The following SDK1 variants were observed in gnomAD, a reference collection of about 807,000 sequenced individuals.
The protein encoded by SDK1 is protein sidekick-1.
Under a neutral mutation model 245.5 loss-of-function variants are expected in SDK1, and 157 were observed. The ratio of observed to expected loss-of-function variants is 0.64; its 90% CI spans 0.56 to 0.73. SDK1 has a LOEUF of 0.73. Among genes scored for constraint, SDK1 ranks in the 30% least tolerant of loss-of-function variants. SDK1 has a pLI of 0.00. For missense variants in SDK1, 3,583 were observed against 3,002.3 expected (o/e 1.19, Z -4.52); for synonymous variants, 1,647 against 1,278.5 (o/e 1.29, Z -6.15).
intron 1 of SDK1, among the ~76,000 whole-genome samples, chr7:3,512,648 A>C (rs1321164985): frequency 6.6e-6 from 1 of 152,160 alleles, no homozygotes; most frequent in Non-Finnish European, 1.5e-5. Flanking sequence ...TGGCCATTCT[A>C]GTGATATGTT....
chr7:3,550,020 A>G (rs1396346566), intron 1 of SDK1, among the ~76,000 whole-genome samples: 1 of 152,212 alleles, frequency 6.6e-6, no homozygotes, highest in Non-Finnish European at 1.5e-5. Flanking sequence ...ATTAAACATT[A>G]GCACAGTTAT....
At chr7:3,923,927 G>A (rs1278402150) in intron 5 of SDK1, among the ~76,000 whole-genome samples, 1 of 152,276 alleles carries the variant, frequency 6.6e-6, no homozygotes, top group East Asian at 1.9e-4. Flanking sequence ...CTTAGACAGG[G>A]CTTGCTCATG....
rs537589688 is a variant in SDK1 at position 3,990,097 on chromosome 7, G to A, written c.2131+2775G>A. Among the ~76,000 whole-genome samples, 9 of 152,368 alleles carry A rather than the reference G, an allele frequency of 5.9e-5. No individual in the cohort carries two copies. The South Asian group carries it at 1.9e-3, about 32-fold the overall frequency. ...GCCACACTTGGGCGTTGGTCTGTGT[G>A]GACGTGGAGGAAGCCACTCTGTGAA... On this transcript the variant is annotated intron_variant, in intron 14 of 44. Coordinates refer to ENST00000404826, the MANE Select transcript of SDK1 (RefSeq NM_152744.4).
At position 3,921,340 on chromosome 7, in the gene SDK1, G is replaced by A. The variant is rs367998921; in HGVS notation, c.848-29583G>A. On this transcript the variant is annotated intron_variant, in intron 5 of 44. Coordinates refer to ENST00000404826, the MANE Select transcript of SDK1 (RefSeq NM_152744.4). ...TGCCTAGTTTCTTTTTTTAGCAAATGTATCATAATTTATTAACCTGTCTCC... is the reference window on the plus strand; with the variant it reads ...TGCCTAGTTTCTTTTTTTAGCAAATATATCATAATTTATTAACCTGTCTCC... 3.1e-3 allele frequency among the ~76,000 whole-genome samples: 467 copies of A among 152,200 alleles called. 7 individuals carry two copies. The South Asian group carries it at 0.038, about 13-fold the overall frequency.
At chr7:3,933,491 G>A (rs886130175) in intron 5 of SDK1, among the ~76,000 whole-genome samples, 1 of 152,122 alleles carries the variant, frequency 6.6e-6, no homozygotes, top group Admixed American at 6.5e-5. Context: ...GATGTGGTTA[G>A]CTTCAGTTGT....
At chr7:3,803,672 T>G (rs796544035) in intron 4 of SDK1, among the ~76,000 whole-genome samples, 10 of 152,132 alleles carry the variant, frequency 6.6e-5, no homozygotes, top group African/African-American at 2.4e-4. Flanking sequence ...TCTTTATATA[T>G]TCTAGATATG....
chr7:3,624,840 G>A (rs1782064614), intron 2 of SDK1, among the ~76,000 whole-genome samples: 1 of 152,016 alleles, frequency 6.6e-6, no homozygotes, highest in African/African-American at 2.4e-5. Context: ...GAGGTCAGGA[G>A]TTTGAGACCA....
chr7:3,355,524 T>A (rs1251549542), intron 1 of SDK1, among the ~76,000 whole-genome samples: 3 of 152,202 alleles, frequency 2.0e-5, no homozygotes, highest in Admixed American at 1.3e-4. Context: ...ATGTGGTGTT[T>A]CCAGTTAGAT....
At chr7:3,517,401 G>C (rs180767220) in intron 1 of SDK1, among the ~76,000 whole-genome samples, 20 of 152,186 alleles carry the variant, frequency 1.3e-4, no homozygotes, top group Non-Finnish European at 2.1e-4. Context: ...TGTAAATTCT[G>C]TAGAGTATTA....
At chr7:3,344,614 A>C (rs918978986) in intron 1 of SDK1, among the ~76,000 whole-genome samples, 18 of 152,286 alleles carry the variant, frequency 1.2e-4, no homozygotes, top group Non-Finnish European at 1.6e-4. Flanking sequence ...TTTGCAACAA[A>C]TGTTAAAACT....
At chr7:4,128,872 G>T (rs1784577295) in intron 26 of SDK1, among the ~76,000 whole-genome samples, 1 of 129,780 alleles carries the variant, frequency 7.7e-6, no homozygotes, top group African/African-American at 3.0e-5. Flanking sequence ...AGCTTGGGGT[G>T]GGGTGCCCTG....
intron 4 of SDK1, among the ~76,000 whole-genome samples, chr7:3,791,694 C>T (rs1781096372): frequency 6.6e-6 from 1 of 152,146 alleles, no homozygotes; most frequent in Admixed American, 6.5e-5. Context: ...TTTCCTGTCT[C>T]TGAAAGGAGA....
intron 1 of SDK1, among the ~76,000 whole-genome samples, chr7:3,445,410 G>T (rs982700519): frequency 5.3e-5 from 8 of 152,280 alleles, no homozygotes; most frequent in African/African-American, 1.9e-4. Context: ...AAATTGTGCT[G>T]TCTCTCCCCT....
At chr7:3,716,984 A>C (rs1469687636) in intron 4 of SDK1, among the ~76,000 whole-genome samples, 1 of 152,146 alleles carries the variant, frequency 6.6e-6, no homozygotes. Flanking sequence ...ATTATATTTG[A>C]AGTTTGAAGA....
intron 44 of SDK1, among the ~76,000 whole-genome samples, chr7:4,261,840 C>T (rs78950093): frequency 0.071 from 10,758 of 151,932 alleles, 471 homozygotes; most frequent in African/African-American, 0.13. Context: ...TCCGCAGCAG[C>T]GCCTTGGTCT....
chr7:3,787,161 C>T (rs1780927735), intron 4 of SDK1, among the ~76,000 whole-genome samples: 1 of 151,134 alleles, frequency 6.6e-6, no homozygotes, highest in Admixed American at 6.6e-5. Context: ...CACACACACA[C>T]ACACACACAC....
intron 25 of SDK1, among the ~76,000 whole-genome samples, chr7:4,126,643 C>G (rs1784403913): frequency 6.6e-6 from 1 of 152,200 alleles, no homozygotes; most frequent in South Asian, 2.1e-4. Context: ...ATGGCTTGAA[C>G]CCAGGAGGCG....
chr7:3,509,096 GTGTA>G (rs1002112403), intron 1 of SDK1, among the ~76,000 whole-genome samples: 4 of 152,032 alleles, frequency 2.6e-5, no homozygotes, highest in East Asian at 1.9e-4. Context: ...GTGTGTGTGT[GTGTA>G]TGTATGTACA....
chr7:4,114,317 G>A (rs1197903504), intron 25 of SDK1, 43 bp downstream of exon 25: 3 of 1,479,294 alleles, frequency 2.0e-6, no homozygotes, highest in Middle Eastern at 4.7e-4. Flanking sequence ...CCGCATTAGA[G>A]ATGGGGCTGA....
Sources: allele counts gnomAD v4.1 joint callset (sites outside exome capture counted in the v4.1 genomes callset), GRCh38; gene constraint gnomAD v4.1.1; transcripts MANE v1.5; gene names NCBI Gene and HGNC (gene_info 2026-07-23, HGNC 2026-07-21).